The following CDIN1 variants were observed in gnomAD, a reference collection of about 807,000 sequenced individuals.
CDIN1 encodes CDAN1-interacting nuclease 1.
CDIN1 carries 33 observed loss-of-function variants against 45.3 expected under a neutral mutation model. That is an observed-to-expected ratio of 0.73 (90% CI 0.55 to 0.97). CDIN1 has a LOEUF of 0.97. CDIN1 is among the 50% of genes least tolerant of loss of function. The pLI is 0.00. For missense variants in CDIN1, 303 were observed against 339.4 expected (o/e 0.89, Z 0.84); for synonymous variants, 118 against 124.4 (o/e 0.95, Z 0.34).
At chr15:36,756,152 G>C (rs1425249741) in intron 10 of CDIN1, 1 of 455,954 alleles carries the variant, frequency 2.2e-6, no homozygotes, top group East Asian at 6.9e-5. Context: ...GTTTTAAAAA[G>C]GGAGTGGGGA....
intron 1 of CDIN1, among the ~76,000 whole-genome samples, chr15:36,610,217 CA>C (rs2038583223): frequency 1.3e-5 from 2 of 152,144 alleles, no homozygotes; most frequent in Non-Finnish European, 2.9e-5. Flanking sequence ...GGGATAATTG[CA>C]TGTTGAAATG....
intron 1 of CDIN1, among the ~76,000 whole-genome samples, chr15:36,636,961 C>T (rs1396163844): frequency 6.6e-6 from 1 of 152,122 alleles, no homozygotes; most frequent in Non-Finnish European, 1.5e-5. Flanking sequence ...TGGAGAGAAA[C>T]ATTACATATA....
intron 8 of CDIN1, among the ~76,000 whole-genome samples, chr15:36,702,388 G>A (rs1291419370): frequency 6.6e-6 from 1 of 152,186 alleles, no homozygotes; most frequent in Non-Finnish European, 1.5e-5. Context: ...AAATGCATAT[G>A]CTGCTGGAAG....
chr15:36,613,471 C>G, intron 1 of CDIN1: 1 of 1,549,582 alleles, frequency 6.5e-7, no homozygotes. Flanking sequence ...AGGTGGGCAC[C>G]ATGGCTGGGA....
intron 1 of CDIN1, among the ~76,000 whole-genome samples, chr15:36,636,631 C>G (rs963067402): frequency 2.6e-5 from 4 of 152,106 alleles, no homozygotes; most frequent in Admixed American, 2.0e-4. Flanking sequence ...AATGAGATGG[C>G]ACATCTGTGG....
intron 10 of CDIN1, among the ~76,000 whole-genome samples, chr15:36,789,143 A>G (rs2054582015): frequency 6.6e-6 from 1 of 152,226 alleles, no homozygotes; most frequent in Admixed American, 6.5e-5. Flanking sequence ...CCTGGGTCAC[A>G]TGCAGTCTGT....
intron 10 of CDIN1, among the ~76,000 whole-genome samples, chr15:36,759,919 C>A (rs2053712892): frequency 6.6e-6 from 1 of 152,120 alleles, no homozygotes. Context: ...GGAACTACCC[C>A]ATGATCCAGG....
At chr15:36,704,998 A>C (rs1265564579) in intron 8 of CDIN1, 1 of 152,204 alleles carries the variant, frequency 6.6e-6, no homozygotes, top group Non-Finnish European at 1.5e-5. Context: ...CTTTATTTTA[A>C]GAAAAGAAAT....
chr15:36,697,891 A>G (rs2042492643), intron 8 of CDIN1, among the ~76,000 whole-genome samples: 1 of 152,126 alleles, frequency 6.6e-6, no homozygotes, highest in Non-Finnish European at 1.5e-5. Context: ...ACATGTATTC[A>G]TGTGTTTGTG....
At chr15:36,617,452 T>C (rs1313590011) in intron 1 of CDIN1, 2 of 1,006,008 alleles carry the variant, frequency 2.0e-6, no homozygotes, top group Non-Finnish European at 3.2e-6. Context: ...CCTAAAAGAA[T>C]GTCTAAAGAA....
rs182343167 is a variant in CDIN1 at position 36,667,063 on chromosome 15, A to G, written c.346+9158A>G. Reference sequence around the variant, plus strand: ...GATTCCAGAGCCTGTGCTCCTCACAATTATGCTCAACTACTCCCCTTTGGA... The same window carrying G: ...GATTCCAGAGCCTGTGCTCCTCACAGTTATGCTCAACTACTCCCCTTTGGA... On this transcript the variant is annotated intron_variant, in intron 5 of 10. Transcript: ENST00000566621. Among the ~76,000 whole-genome samples, 8 of 152,352 alleles carry G rather than the reference A, an allele frequency of 5.3e-5. 1 individual carries two copies. Among genetic ancestry groups the G allele is most frequent in the Admixed American group, 2.6e-4 (4 of 15,304 alleles).
intron 10 of CDIN1, among the ~76,000 whole-genome samples, chr15:36,784,004 C>G (rs111484998): frequency 2.6e-4 from 39 of 152,222 alleles, no homozygotes; most frequent in African/African-American, 9.2e-4. Context: ...AGGGTTCATA[C>G]ACTAAGAGAA....
chr15:36,724,095 G>A (rs1352158983), intron 10 of CDIN1, among the ~76,000 whole-genome samples: 1 of 152,174 alleles, frequency 6.6e-6, no homozygotes, highest in African/African-American at 2.4e-5. Context: ...AAGAGGTTAA[G>A]TGCCCAAATC....
intron 3 of CDIN1, chr15:36,648,509 G>T (rs904578386): frequency 9.3e-5 from 12 of 128,502 alleles, no homozygotes; most frequent in Non-Finnish European, 1.8e-4. Context: ...TCAGCTCACT[G>T]CAAGCTCCGC....
chr15:36,792,821 C>A (rs2054680745), intron 10 of CDIN1, among the ~76,000 whole-genome samples: 1 of 152,090 alleles, frequency 6.6e-6, no homozygotes, highest in Non-Finnish European at 1.5e-5. Context: ...GGCTTTCTAT[C>A]AGTGTAGCAT....
chr15:36,681,289 C>G (rs1186702231), intron 5 of CDIN1, among the ~76,000 whole-genome samples: 1 of 151,712 alleles, frequency 6.6e-6, no homozygotes, highest in Non-Finnish European at 1.5e-5. Context: ...ATGTATTAGA[C>G]AAAAAGATTA....
At chr15:36,711,963 G>A (rs1203416329) in intron 10 of CDIN1, among the ~76,000 whole-genome samples, 4 of 152,064 alleles carry the variant, frequency 2.6e-5, no homozygotes, top group African/African-American at 9.7e-5. Flanking sequence ...TGAATGTATG[G>A]GATCCTCCTC....
At chr15:36,707,345 A>C (rs1345345041) in intron 8 of CDIN1, 1 of 152,120 alleles carries the variant, frequency 6.6e-6, no homozygotes, top group African/African-American at 2.4e-5. Context: ...AGAAAGAGAG[A>C]GAGCGAGCCA....
In CDIN1 at chr15:36,654,352, G is replaced by T. The variant is rs571358638; in HGVS notation, c.273+194G>T. Among the ~76,000 whole-genome samples, 22 of 152,104 alleles carry T rather than the reference G, an allele frequency of 1.4e-4. No individual in the cohort carries two copies. The South Asian group carries it at 4.2e-3, about 29-fold the overall frequency. Reference sequence around the variant, plus strand: ...AACTTCACATATTAATAAATCAGTTGACATAATTAGTCTACTTCTTTTAAG... The same window carrying T: ...AACTTCACATATTAATAAATCAGTTTACATAATTAGTCTACTTCTTTTAAG... On this transcript the variant is annotated intron_variant, in intron 4 of 10. Transcript: ENST00000566621.
Sources: gnomAD v4.1 joint callset for allele counts (sites outside exome capture counted in the v4.1 genomes callset) on GRCh38, gnomAD v4.1.1 for gene constraint, MANE v1.5 for transcripts, NCBI Gene and HGNC (gene_info 2026-07-23, HGNC 2026-07-21) for gene names.